Variants in DIS3L2 observed in about 807,000 individuals in gnomAD.
The protein encoded by DIS3L2 is DIS3 like 3'-5' exoribonuclease 2.
In DIS3L2, 34 loss-of-function variants were observed where a neutral mutation model predicts 97.5. The ratio of observed to expected loss-of-function variants is 0.35; its 90% CI spans 0.27 to 0.46. The LOEUF is 0.46. Ranked by LOEUF, DIS3L2 falls within the 20% of genes least tolerant of loss-of-function variation. The probability of loss-of-function intolerance (pLI) is 1.00; values close to 1 mark genes in which losing one functional copy is unlikely to be tolerated. For missense variants in DIS3L2, 1,038 were observed against 1,146.0 expected, an observed-to-expected ratio of 0.91 and a Z score of 1.36; for synonymous variants, 435 against 445.2, an observed-to-expected ratio of 0.98 and a Z score of 0.29.
rs62199211 is a variant in DIS3L2 at position 232,256,734 on chromosome 2, G to A, written c.1426-6473G>A. The stretch of plus-strand genomic sequence containing the variant: ...CATCAAAATTTCTCTCTGCCTTGCC[G>A]CTACTTAGGAGGCTGAGGCAGGAGG... On this transcript the variant is annotated intron_variant, in intron 12 of 20. Transcript: ENST00000325385. 7.4e-3 allele frequency among the ~76,000 whole-genome samples: 1,119 copies of A among 152,232 alleles called. 10 individuals are homozygous for A. Among genetic ancestry groups the A allele is most frequent in the Non-Finnish European group, 0.012 (810 of 68,014 alleles).
chr2:232,011,930 C>T (rs1163445064), intron 1 of DIS3L2, among the ~76,000 whole-genome samples: 1 of 152,212 alleles, frequency 6.6e-6, no homozygotes, highest in Non-Finnish European at 1.5e-5. Context: ...GGACTACAGG[C>T]GTGAGCCACG....
chr2:231,971,578 G>A (rs1264161085), intron 1 of DIS3L2, among the ~76,000 whole-genome samples: 1 of 152,130 alleles, frequency 6.6e-6, no homozygotes. Flanking sequence ...CTCCTGAGTA[G>A]CTGGGACTAC....
intron 5 of DIS3L2, among the ~76,000 whole-genome samples, chr2:232,078,015 TTCTTTTTCTC>T (rs201369196): frequency 0.015 from 1,868 of 127,734 alleles, 27 homozygotes; most frequent in East Asian, 0.12. Context: ...CTTTCTTTCT[TTCTTTTTCTC>T]TTTCTCTTTC....
intron 10 of DIS3L2, among the ~76,000 whole-genome samples, chr2:232,225,118 A>G (rs1043804264): frequency 6.6e-6 from 1 of 152,154 alleles, no homozygotes; most frequent in African/African-American, 2.4e-5. Flanking sequence ...GTGTGGAGCA[A>G]TTACAACTCT....
chr2:232,009,802 T>G (rs1694146982), intron 1 of DIS3L2, among the ~76,000 whole-genome samples: 1 of 152,342 alleles, frequency 6.6e-6, no homozygotes, highest in African/African-American at 2.4e-5. Context: ...CCAGTCTGGC[T>G]GTCTCATTCC....
At chr2:232,285,634 C>A in intron 13 of DIS3L2, among the ~76,000 whole-genome samples, 1 of 152,152 alleles carries the variant, frequency 6.6e-6, no homozygotes, top group East Asian at 1.9e-4. Flanking sequence ...GACTTTAGAG[C>A]CGTATGGGTT....
At chr2:231,968,680 C>G (rs1692800261) in intron 1 of DIS3L2, among the ~76,000 whole-genome samples, 1 of 152,098 alleles carries the variant, frequency 6.6e-6, no homozygotes, top group African/African-American at 2.4e-5. Context: ...ATTTTGTTTA[C>G]AAGGCTTTGT....
rs1479741383 is a variant in DIS3L2, at chr2:232,296,418, G to A, written c.1660-3622G>A. ...TTTAAGTGGTTTTTGTCAGGATAAA[G>A]GAAAGCCTTTACTTGGTAGGTGATA... On this transcript the variant is annotated intron_variant, in intron 13 of 20. Coordinates refer to ENST00000325385, the MANE Select transcript of DIS3L2 (RefSeq NM_152383.5). Among the ~76,000 whole-genome samples, 7 of 152,190 alleles carry A rather than the reference G, an allele frequency of 4.6e-5. No individual in the cohort carries two copies. The East Asian group carries it at 1.3e-3, about 29-fold the overall frequency.
chr2:232,215,693 C>T lies in DIS3L2; in HGVS notation c.1204+5288C>T, dbSNP rs187637442. 3.6e-3 allele frequency among the ~76,000 whole-genome samples: 555 copies of T among 152,302 alleles called. 2 individuals carry two copies. The highest frequency in any genetic ancestry group is 5.8e-3 in the Non-Finnish European group (396 of 68,012). On this transcript the variant is annotated intron_variant, in intron 10 of 20. Coordinates refer to ENST00000325385, the MANE Select transcript of DIS3L2 (RefSeq NM_152383.5). ...CTGAGAATTTCCTATATTGACTGAT[C>T]ACCTTTGGAGGCAGTGAGGAAGTAG...
intron 12 of DIS3L2, among the ~76,000 whole-genome samples, chr2:232,255,748 TC>T (rs749598211): frequency 2.6e-5 from 4 of 152,166 alleles, no homozygotes; most frequent in Non-Finnish European, 5.9e-5. Context: ...TCCTGTGACA[TC>T]CCTGCTGTGT....
At chr2:232,216,068 G>C (rs1692323554) in intron 10 of DIS3L2, among the ~76,000 whole-genome samples, 1 of 152,140 alleles carries the variant, frequency 6.6e-6, no homozygotes. Flanking sequence ...CCTGTACTCT[G>C]CTCCAGCTCT....
intron 5 of DIS3L2, among the ~76,000 whole-genome samples, chr2:232,064,897 T>C (rs1695810606): frequency 6.6e-6 from 1 of 152,168 alleles, no homozygotes; most frequent in Admixed American, 6.5e-5. Context: ...TTTTAATGAA[T>C]TGTAAGAGTT....
chr2:232,227,572 C>A (rs1475610325), intron 10 of DIS3L2, among the ~76,000 whole-genome samples: 1 of 152,126 alleles, frequency 6.6e-6, no homozygotes, highest in Non-Finnish European at 1.5e-5. Context: ...ACTTTTGTGA[C>A]GTCTTGGGGA....
intron 9 of DIS3L2, among the ~76,000 whole-genome samples, chr2:232,184,901 C>T (rs145155626): frequency 6.2e-4 from 95 of 152,262 alleles, no homozygotes; most frequent in Non-Finnish European, 8.8e-4. Flanking sequence ...TTACCTATGC[C>T]TTGCATTGTA....
At chr2:232,144,073 A>G (rs1207446523) in intron 8 of DIS3L2, among the ~76,000 whole-genome samples, 1 of 152,130 alleles carries the variant, frequency 6.6e-6, no homozygotes, top group East Asian at 1.9e-4. Context: ...ATTTTCTGAA[A>G]TATACCATAA....
chr2:232,030,775 T>G (rs1694783264), intron 5 of DIS3L2, among the ~76,000 whole-genome samples: 1 of 152,204 alleles, frequency 6.6e-6, no homozygotes, highest in East Asian at 1.9e-4. Context: ...AAGTCTGAAT[T>G]TGTCTTCATA....
intron 5 of DIS3L2, among the ~76,000 whole-genome samples, chr2:232,032,268 G>T (rs1694824962): frequency 6.6e-6 from 1 of 152,192 alleles, no homozygotes; most frequent in African/African-American, 2.4e-5. Flanking sequence ...CAGTGTTGAT[G>T]ACCTTTTTTT....
chr2:232,176,879 T>C (rs1691179806), intron 9 of DIS3L2, among the ~76,000 whole-genome samples: 1 of 149,506 alleles, frequency 6.7e-6, no homozygotes, highest in Admixed American at 6.7e-5. Context: ...TATGTATACA[T>C]GTGCCATGCT....
intron 6 of DIS3L2, among the ~76,000 whole-genome samples, chr2:232,095,710 T>C (rs1403091517): frequency 1.1e-4 from 16 of 152,230 alleles, no homozygotes; most frequent in Admixed American, 7.9e-4. Flanking sequence ...TTCTTTCTAA[T>C]TGAAGTACTC....
Sources: gnomAD v4.1 joint callset for allele counts (sites outside exome capture counted in the v4.1 genomes callset) on GRCh38, gnomAD v4.1.1 for gene constraint, MANE v1.5 for transcripts, NCBI Gene and HGNC (gene_info 2026-07-23, HGNC 2026-07-21) for gene names.